Variants in ADGRD1 observed in about 807,000 individuals in gnomAD.
ADGRD1 encodes the protein G-protein coupled receptor 133.
Under a neutral mutation model 113.4 loss-of-function variants are expected in ADGRD1, and 77 were observed. The observed-to-expected ratio is 0.68, with a 90% CI of 0.57 to 0.82. The LOEUF (loss-of-function observed/expected upper bound fraction) is 0.82, where lower values mean the gene tolerates loss of function less well. ADGRD1 is among the 40% of genes least tolerant of loss of function. The probability of loss-of-function intolerance (pLI) is 0.00; values close to 1 mark genes in which losing one functional copy is unlikely to be tolerated. For missense variants in ADGRD1, 1,036 were observed against 1,139.1 expected (o/e 0.91, Z 1.30); for synonymous variants, 474 against 475.0 (o/e 1.00, Z 0.03).
intron 8 of ADGRD1, among the ~76,000 whole-genome samples, chr12:130,997,806 G>A (rs898596960): frequency 1.2e-4 from 19 of 152,188 alleles, no homozygotes; most frequent in Non-Finnish European, 2.8e-4. Context: ...CGGGGTGGCG[G>A]CCGGGCAGAG....
At position 131,105,767 on chromosome 12, in the gene ADGRD1, A is replaced by C; in HGVS notation, c.1789A>C (p.Ile597Leu). The C allele has an allele frequency of 6.2e-7, 1 of 1,601,244 alleles. No homozygotes were observed. ...CTCTGTCCTCAGCTCCGTGAGCACC[A>C]TCCGGAACCAGCGCTACCACATCCA... ...TFAVLSSVST[I>L]RNQRYHIHAN... The change falls in exon 17 of 25, where the codon ATC (isoleucine) becomes CTC (leucine). Residue 597 changes from isoleucine to leucine, a missense_variant. Physicochemically the swap from Ile to Leu is conservative, Grantham distance 5. Transcript: ENST00000261654.
chr12:130,987,005 AAAG>A lies in ADGRD1; in HGVS notation c.491-86_491-84del, dbSNP rs1363980429. ...GTTAACAGTGATTGATCACCTTAAG[AAAG>A]AAGGATGTGCCTACAAACAGGAAAA... On this transcript the variant is annotated intron_variant, in intron 5 of 24. Coordinates refer to ENST00000261654, the MANE Select transcript of ADGRD1 (RefSeq NM_198827.5). 15 of 1,126,638 alleles carry A rather than the reference AAAG, an allele frequency of 1.3e-5. No individual in the cohort carries two copies. The African/African-American group carries it at 2.1e-4, about 16-fold the overall frequency. The allele number at this position is 1,126,638 out of a possible 1,614,324, so 69.8% of individuals were successfully genotyped here.
At chr12:131,122,076 G>A (rs943358432) in intron 20 of ADGRD1, 5 of 152,368 alleles carry the variant, frequency 3.3e-5, no homozygotes, top group African/African-American at 9.6e-5. Context: ...GCCTGTCTCT[G>A]AGGGCCCTGG....
intron 23 of ADGRD1, 75 bp downstream of exon 23, chr12:131,137,089 C>T (rs1156773356): frequency 1.7e-6 from 2 of 1,153,750 alleles, no homozygotes; most frequent in Non-Finnish European, 1.3e-6. Flanking sequence ...GGAGCAGGAA[C>T]AGCGCTGCCC....
chr12:130,956,374 G>C (rs1207905113), intron 2 of ADGRD1: 1 of 152,274 alleles, frequency 6.6e-6, no homozygotes, highest in African/African-American at 2.4e-5. Flanking sequence ...TGCATAGGGA[G>C]CTCCTTTTAA....
In ADGRD1 at chr12:131,041,200, C is replaced by T. The variant is rs1037550354; in HGVS notation, c.1473+26860C>T. ...CGGGGGTCTTGGTGCTGGCCACTGG[C>T]GCAGAGAATGTGGGGAGGCACCCAG... On this transcript the variant is annotated intron_variant, in intron 13 of 24. Transcript: ENST00000261654. This position sits in a 1 kb window ranked among gnomAD's most constrained non-coding sequence, Gnocchi z 4.4. 3.9e-5 allele frequency among the ~76,000 whole-genome samples: 6 copies of T among 152,138 alleles called. No individual in the cohort carries two copies. Among genetic ancestry groups the T allele is most frequent in the Non-Finnish European group, 7.3e-5 (5 of 68,034 alleles).
At chr12:131,114,747 A>G (rs1950424101) in intron 18 of ADGRD1, among the ~76,000 whole-genome samples, 1 of 152,042 alleles carries the variant, frequency 6.6e-6, no homozygotes. Flanking sequence ...GGGGGCATCA[A>G]ATCCACACCT....
At chr12:131,021,173 AT>A (rs1438639151) in intron 13 of ADGRD1, among the ~76,000 whole-genome samples, 1 of 152,180 alleles carries the variant, frequency 6.6e-6, no homozygotes, top group Admixed American at 6.5e-5. Flanking sequence ...TGATGGTGGT[AT>A]TTTTAAGTAC....
chr12:131,097,686 G>A (rs1224507563), intron 15 of ADGRD1, among the ~76,000 whole-genome samples: 2 of 152,206 alleles, frequency 1.3e-5, no homozygotes, highest in Non-Finnish European at 2.9e-5. Flanking sequence ...GCTGCCCTGA[G>A]GGGAGACAGG....
rs918489752 is a variant in ADGRD1, at chr12:131,005,276, C to T, written c.1256-696C>T. Among the ~76,000 whole-genome samples, 5 of 152,354 alleles carry T rather than the reference C, an allele frequency of 3.3e-5. No individual in the cohort carries two copies. In the South Asian group the frequency reaches 1.0e-3, roughly 32 times the overall value. On this transcript the variant is annotated intron_variant, in intron 11 of 24. Transcript: ENST00000261654. ...GGCCCAGGGACGATGCCACCTTCCT[C>T]CAGCATCAGCAGGGAGGGCCCAGGG...
At chr12:130,991,185 C>A (rs1874339735) in intron 7 of ADGRD1, 107 bp downstream of exon 7, 1 of 829,110 alleles carries the variant, frequency 1.2e-6, no homozygotes, top group Non-Finnish European at 2.0e-6. Context: ...CTGTTATCGG[C>A]AGTACATTGT....
intron 2 of ADGRD1, among the ~76,000 whole-genome samples, chr12:130,960,678 TAC>T (rs1870244091): frequency 6.1e-5 from 9 of 147,618 alleles, no homozygotes; most frequent in African/African-American, 2.2e-4. Context: ...CACACACACA[TAC>T]ACACACACCT....
intron 14 of ADGRD1, among the ~76,000 whole-genome samples, chr12:131,077,093 C>T (rs897723138): frequency 6.6e-5 from 10 of 152,180 alleles, no homozygotes; most frequent in African/African-American, 1.9e-4. Flanking sequence ...TGCTGTTGCA[C>T]GATGTGTCTG....
chr12:130,969,802 A>G (rs1368420157), intron 3 of ADGRD1: 1 of 152,246 alleles, frequency 6.6e-6, no homozygotes, highest in African/African-American at 2.4e-5. Context: ...GGACCACTGC[A>G]CTAGAAGGTA....
At chr12:130,970,371 G>C (rs1427209559) in intron 3 of ADGRD1, 1 of 152,246 alleles carries the variant, frequency 6.6e-6, no homozygotes, top group Non-Finnish European at 1.5e-5. Flanking sequence ...GCAACCACTA[G>C]TGATCCATTT....
chr12:131,068,338 C>G (rs1884888974), intron 13 of ADGRD1, among the ~76,000 whole-genome samples: 3 of 152,154 alleles, frequency 2.0e-5, no homozygotes, highest in Non-Finnish European at 2.9e-5. Context: ...TTTTCTCTGC[C>G]TCTGGCCCAA....
At chr12:131,033,707 C>T (rs991094900) in intron 13 of ADGRD1, among the ~76,000 whole-genome samples, 20 of 152,220 alleles carry the variant, frequency 1.3e-4, no homozygotes, top group East Asian at 7.7e-4. Flanking sequence ...TGCAGGGGCA[C>T]GGGATGTGGT....
rs962141729 is a variant in ADGRD1 at position 131,036,312 on chromosome 12, C to T, written c.1473+21972C>T. On this transcript the variant is annotated intron_variant, in intron 13 of 24. Transcript: ENST00000261654. ...CTGCACTGGGCCTCACTCACTGCAC[C>T]GGGTCTTACTGCACTAGGTCTCACT... Among the ~76,000 whole-genome samples, 9 of 150,408 alleles carry T rather than the reference C, an allele frequency of 6.0e-5. No homozygotes were observed. The East Asian group carries it at 7.9e-4, about 13-fold the overall frequency.
In ADGRD1 at chr12:131,045,060, G is replaced by C. The variant is rs1882539402; in HGVS notation, c.1473+30720G>C. ...TCTGCGGCGTGTGCCACGCAGTGGT[G>C]TTGCAGCGCCAGGAGCGGATCCGAA... On this transcript the variant is annotated intron_variant, in intron 13 of 24. Coordinates refer to ENST00000261654, the MANE Select transcript of ADGRD1 (RefSeq NM_198827.5). Among the ~76,000 whole-genome samples the C allele has an allele frequency of 2.0e-5, 3 of 152,252 alleles. No homozygotes were observed. The South Asian group carries it at 6.2e-4, about 31-fold the overall frequency.
Sources: allele counts gnomAD v4.1 joint callset (sites outside exome capture counted in the v4.1 genomes callset), GRCh38; gene constraint gnomAD v4.1.1; non-coding constraint Gnocchi (gnomAD v3.1); transcripts MANE v1.5; gene names NCBI Gene and HGNC (gene_info 2026-07-23, HGNC 2026-07-21).